CHODL: variants seen among roughly 807,000 people sequenced by gnomAD.
The protein encoded by CHODL is transmembrane protein MT75.
A neutral mutation model predicts 34.5 loss-of-function variants in CHODL; 29 were observed. The ratio of observed to expected loss-of-function variants is 0.84; its 90% confidence interval spans 0.63 to 1.15. The LOEUF (loss-of-function observed/expected upper bound fraction) is 1.15. Among genes scored for constraint, CHODL ranks in the 50% most tolerant of loss-of-function variants. The pLI, the probability that CHODL is intolerant of heterozygous loss-of-function variation, is 0.00. For synonymous variants in CHODL, 125 were observed against 116.1 expected, an observed-to-expected ratio of 1.08 and a Z score of -0.49; for missense variants, 332 against 332.5, an observed-to-expected ratio of 1.00 and a Z score of 0.01.
chr21:18,263,773 C>T (rs2146829405), intron 5 of CHODL, among the ~76,000 whole-genome samples: 1 of 152,206 alleles, frequency 6.6e-6, no homozygotes, highest in African/African-American at 2.4e-5. Context: ...TCATTTTCCT[C>T]TTTTGACCTT....
intron 1 of CHODL, among the ~76,000 whole-genome samples, chr21:17,984,505 T>A (rs933521041): frequency 1.3e-5 from 2 of 152,180 alleles, no homozygotes; most frequent in African/African-American, 2.4e-5. Context: ...TAACCCTTTA[T>A]GAAAATATAA....
intron 2 of CHODL, among the ~76,000 whole-genome samples, chr21:18,113,451 T>C (rs936470988): frequency 3.3e-5 from 5 of 152,156 alleles, no homozygotes; most frequent in Non-Finnish European, 2.9e-5. Flanking sequence ...ATAAGTTTAA[T>C]TGGCTCACAG....
intron 1 of CHODL, among the ~76,000 whole-genome samples, chr21:17,924,885 C>A (rs543877401): frequency 1.3e-5 from 2 of 152,150 alleles, no homozygotes; most frequent in Non-Finnish European, 2.9e-5. Flanking sequence ...TTATCTGGCT[C>A]TGTTAAAAAA....
At chr21:18,229,816 G>A (rs150186468) in intron 2 of CHODL, among the ~76,000 whole-genome samples, 1 of 152,070 alleles carries the variant, frequency 6.6e-6, no homozygotes, top group African/African-American at 2.4e-5. Flanking sequence ...CTTAAATCTT[G>A]TGATAATCGC....
intron 2 of CHODL, among the ~76,000 whole-genome samples, chr21:18,100,739 T>G (rs1445458439): frequency 6.6e-6 from 1 of 152,134 alleles, no homozygotes; most frequent in Non-Finnish European, 1.5e-5. Context: ...AAAAGAGTCA[T>G]TCAGGAATGA....
intron 1 of CHODL, among the ~76,000 whole-genome samples, chr21:17,942,135 A>G (rs561314384): frequency 8.4e-4 from 128 of 152,356 alleles, no homozygotes; most frequent in African/African-American, 2.9e-3. Context: ...AAAAGTGTAA[A>G]AAACAAGCAA....
chr21:17,958,751 G>T (rs752336063), intron 1 of CHODL, among the ~76,000 whole-genome samples: 4 of 152,162 alleles, frequency 2.6e-5, no homozygotes, highest in Non-Finnish European at 4.4e-5. Context: ...GTACAACAAA[G>T]GCAGGTTTAC....
intron 2 of CHODL, among the ~76,000 whole-genome samples, chr21:18,220,996 C>A (rs1450101511): frequency 6.6e-6 from 1 of 151,850 alleles, no homozygotes; most frequent in East Asian, 1.9e-4. Context: ...TTGCTTTTTT[C>A]CATCATTTCT....
At chr21:17,982,191 G>T (rs567583261) in intron 1 of CHODL, among the ~76,000 whole-genome samples, 1 of 152,330 alleles carries the variant, frequency 6.6e-6, no homozygotes, top group Admixed American at 6.5e-5. Flanking sequence ...TATATTGTGA[G>T]TATGCACATG....
chr21:18,233,308 A>G (rs2073999900), intron 2 of CHODL, among the ~76,000 whole-genome samples: 1 of 152,084 alleles, frequency 6.6e-6, no homozygotes. Flanking sequence ...TTAAGAACAC[A>G]GATGCTAGAG....
At chr21:17,941,592 T>A (rs1162256636) in intron 1 of CHODL, among the ~76,000 whole-genome samples, 1 of 151,996 alleles carries the variant, frequency 6.6e-6, no homozygotes, top group South Asian at 2.1e-4. Flanking sequence ...TCTTATCAAA[T>A]CTCCACTTAT....
rs532930532 is a variant in CHODL, at chr21:18,001,770, C to T, written c.-144-26102C>T. Among the ~76,000 whole-genome samples the T allele has an allele frequency of 1.1e-3, 143 of 133,256 alleles. 1 individual carries two copies. In the East Asian group the frequency reaches 0.027, roughly 25 times the overall value. 87.4% of individuals were successfully genotyped at this position (133,256 alleles called of 152,430 possible). ...AATTCATGCCATACGTTGGCCTCAT[C>T]CTCTTTTTTTTTTTTTTTTTTTTTT... is the stretch of plus-strand genomic sequence containing the variant. On this transcript the variant is annotated intron_variant, in intron 1 of 6. Coordinates refer to the CHODL transcript ENST00000400127.
chr21:18,095,196 CA>C (rs1406759045), intron 2 of CHODL, among the ~76,000 whole-genome samples: 1 of 150,880 alleles, frequency 6.6e-6, no homozygotes, highest in South Asian at 2.1e-4. Flanking sequence ...GAAAACAATA[CA>C]AAAGATCAAT....
chr21:18,132,342 C>T (rs928399758), intron 2 of CHODL, among the ~76,000 whole-genome samples: 1 of 152,130 alleles, frequency 6.6e-6, no homozygotes, highest in Non-Finnish European at 1.5e-5. Context: ...TCTCACTTAT[C>T]ATCTGATTAA....
rs184699504 is a variant in CHODL, at chr21:17,922,934, T to C, written c.-145+5534T>C. ...GAGACGGGAGACATCAGTCAACATA[T>C]GAAAGATGAACATTGGTTCCTTCTG... On this transcript the variant is annotated intron_variant, in intron 1 of 6. Transcript: ENST00000400127. Among the ~76,000 whole-genome samples the C allele has an allele frequency of 3.8e-4, 58 of 152,202 alleles. No homozygotes were observed. In the East Asian group the frequency reaches 0.011, roughly 29 times the overall value.
At chr21:18,196,629 A>G (rs2073591428) in intron 2 of CHODL, among the ~76,000 whole-genome samples, 1 of 152,188 alleles carries the variant, frequency 6.6e-6, no homozygotes, top group East Asian at 1.9e-4. Flanking sequence ...GTTTTTGCCC[A>G]CTTACTGAAA....
intron 2 of CHODL, among the ~76,000 whole-genome samples, chr21:18,054,981 G>A (rs1052293612): frequency 2.6e-5 from 4 of 151,924 alleles, no homozygotes; most frequent in East Asian, 1.9e-4. Flanking sequence ...GAGACTGGTC[G>A]TCCATTGATC....
At chr21:18,204,947 G>A (rs922876258) in intron 2 of CHODL, among the ~76,000 whole-genome samples, 9 of 152,082 alleles carry the variant, frequency 5.9e-5, no homozygotes, top group African/African-American at 2.4e-5. Flanking sequence ...CTAGTGTCAC[G>A]TATATTTTAT....
At chr21:18,237,074 G>A (rs1004038697) in intron 2 of CHODL, among the ~76,000 whole-genome samples, 1 of 151,986 alleles carries the variant, frequency 6.6e-6, no homozygotes, top group Non-Finnish European at 1.5e-5. Flanking sequence ...TTATTTTTGT[G>A]GAAATTAAAA....
Sources: gnomAD v4.1 joint callset for allele counts (sites outside exome capture counted in the v4.1 genomes callset) on GRCh38, gnomAD v4.1.1 for gene constraint, MANE v1.5 for transcripts, NCBI Gene and HGNC (gene_info 2026-07-23, HGNC 2026-07-21) for gene names.